The following CLK1 variants were observed in gnomAD, a reference collection of about 807,000 sequenced individuals.
The protein encoded by CLK1 is dual specificity protein kinase CLK1.
CLK1 carries 40 observed loss-of-function variants against 60.9 expected under a neutral mutation model. The ratio of observed to expected loss-of-function variants is 0.66; its 90% confidence interval spans 0.51 to 0.86. The LOEUF is 0.86. CLK1 is among the 40% of genes least tolerant of loss of function. CLK1 has a pLI of 0.00. For synonymous variants in CLK1, 203 were observed against 184.4 expected, an observed-to-expected ratio of 1.10 and a Z score of -0.82; for missense variants, 563 against 606.1, an observed-to-expected ratio of 0.93 and a Z score of 0.75.
chr2:200,854,129 T>G (rs1370427764), intron 11 of CLK1, 136 bp from the exon 12 acceptor site: 7 of 564,040 alleles, frequency 1.2e-5, no homozygotes, highest in African/African-American at 2.0e-5. Flanking sequence ...AAATGTTACC[T>G]GCTTTGCACC....
At chr2:200,853,681 A>AG (rs1489530103) in intron 12 of CLK1, among the ~76,000 whole-genome samples, 5 of 52,144 alleles carry the variant, frequency 9.6e-5, no homozygotes, top group Admixed American at 3.6e-4. Context: ...CTTTACTTGA[A>AG]AAAAAAAAAA....
At chr2:200,864,174 G>T in intron 1 of CLK1, 2 of 1,550,996 alleles carry the variant, frequency 1.3e-6, no homozygotes, top group South Asian at 1.2e-5. Flanking sequence ...CCTCAACGGG[G>T]AGCCTCGCCT....
At chr2:200,861,537 C>A in intron 2 of CLK1, 71 bp from the exon 3 acceptor site, 1 of 1,573,614 alleles carries the variant, frequency 6.4e-7, no homozygotes, top group Non-Finnish European at 8.6e-7. Flanking sequence ...TTCAAGACAG[C>A]ACCTAGACTC....
At chr2:200,856,412 C>T (rs148022122) in intron 9 of CLK1, among the ~76,000 whole-genome samples, 122 of 152,224 alleles carry the variant, frequency 8.0e-4, no homozygotes, top group African/African-American at 2.7e-3. Context: ...TGAGCCACCG[C>T]GCCCCACCTG....
chr2:200,862,494 T>C (rs2039155640), intron 1 of CLK1, among the ~76,000 whole-genome samples: 1 of 151,874 alleles, frequency 6.6e-6, no homozygotes. Flanking sequence ...ATCCGCCCCC[T>C]GCTCCCAAAA....
At chr2:200,855,987 C>T (rs1450659270) in intron 9 of CLK1, among the ~76,000 whole-genome samples, 2 of 149,592 alleles carry the variant, frequency 1.3e-5, no homozygotes, top group Admixed American at 6.7e-5. Context: ...CCAGCCTGGG[C>T]GACAGAGTAA....
rs192796579 is a variant in CLK1 at position 200,853,075 on chromosome 2, A to G, written c.*231T>C. The G allele has an allele frequency of 7.9e-4, 285 of 360,592 alleles. 1 individual carries two copies. Among genetic ancestry groups the G allele is most frequent in the Non-Finnish European group, 1.2e-3 (235 of 202,130 alleles). The allele number at this position is 360,592 out of a possible 1,614,324, so 22.3% of individuals were successfully genotyped here. The stretch of plus-strand genomic sequence containing the variant: ...CTTAGAACAAACTGTTCAGATACAT[A>G]TCAACTTCATAAGCACAAAAAATTT... On this transcript the variant is annotated 3_prime_UTR_variant, in exon 13 of 13. Coordinates refer to ENST00000321356, the MANE Select transcript of CLK1 (RefSeq NM_004071.4).
At position 200,861,302 on chromosome 2, in the gene CLK1, C is replaced by T. The variant is rs1273118319; in HGVS notation, c.326G>A (p.Gly109Glu). 1 of 1,614,160 alleles carries T rather than the reference C, an allele frequency of 6.2e-7. No individual in the cohort carries two copies. The highest frequency in any genetic ancestry group is 8.5e-7 in the Non-Finnish European group (1 of 1,180,010). ...NHSSKSSGRS[G>E]RSSYKSKHRI... ...GTGTTTGCTTTTATAACTACTTCTTCCACTTCTACCAGAAGACTTGCTACT... is the reference window on the plus strand; with the variant it reads ...GTGTTTGCTTTTATAACTACTTCTTTCACTTCTACCAGAAGACTTGCTACT... Residue 109 changes from glycine to glutamate, a missense_variant, in exon 3 of 13, where the codon GGA becomes GAA. Around this residue, in one of 3 missense-constraint regions of CLK1, gnomAD observed 198 missense variants for 179.2 expected, o/e 1.10. Coordinates refer to ENST00000321356, the MANE Select transcript of CLK1 (RefSeq NM_004071.4).
At position 200,861,412 on chromosome 2, in the gene CLK1, G is replaced by A; in HGVS notation, c.216C>T (p.Tyr72=). 6.2e-7 allele frequency: 1 copy of A among 1,614,110 alleles called. No homozygotes were observed. Among genetic ancestry groups the A allele is most frequent in the South Asian group, 1.1e-5 (1 of 91,080 alleles). The change falls in exon 3 of 13, where the codon TAC becomes TAT. Residue 72 remains tyrosine (Y), a synonymous_variant. Coordinates refer to ENST00000321356, the MANE Select transcript of CLK1 (RefSeq NM_004071.4). The part of the protein sequence containing the change: ...INEKDYHSRR[Y]IDEYRNDYTQ... Reference sequence around the variant, plus strand: ...TGTAGTCATTTCTGTACTCATCAATGTAGCGTCGACTATGATAATCTTTCT... The same window carrying A: ...TGTAGTCATTTCTGTACTCATCAATATAGCGTCGACTATGATAATCTTTCT...
chr2:200,857,574 C>T (rs2039064218), intron 7 of CLK1, 144 bp downstream of exon 7: 1 of 626,726 alleles, frequency 1.6e-6, no homozygotes, highest in African/African-American at 1.8e-5. Context: ...GCTGGATCAA[C>T]AGCCTGTAAT....
intron 3 of CLK1, 98 bp from the exon 4 acceptor site, chr2:200,860,313 T>C: frequency 6.3e-7 from 1 of 1,574,918 alleles, no homozygotes; most frequent in Non-Finnish European, 8.6e-7. Flanking sequence ...CGGGGAGATA[T>C]TCAGGCATTC....
intron 9 of CLK1, among the ~76,000 whole-genome samples, chr2:200,856,456 A>G (rs1559326531): frequency 1.3e-5 from 2 of 152,218 alleles, no homozygotes; most frequent in African/African-American, 4.8e-5. Flanking sequence ...ACCCTACCAC[A>G]TATTACAAAT....
chr2:200,861,839 G>A lies in CLK1; in HGVS notation c.24C>T (p.Tyr8=). The A allele has an allele frequency of 6.2e-7, 1 of 1,614,002 alleles. No individual in the cohort carries two copies. The highest frequency in any genetic ancestry group is 8.5e-7 in the Non-Finnish European group (1 of 1,179,990). ...AATCCTTGTCATCCCAATCAGGACA[G>A]TAAGTTCTCTTTGAGTGTCTCATCT... MRHSKRT[Y]CPDWDDKDWD... Residue 8 remains tyrosine, a synonymous_variant, in exon 2 of 13, where the codon TAC becomes TAT. Transcript: ENST00000321356.
Position 200,860,205 on chromosome 2 carries a change from C to T in CLK1, c.401G>A (p.Arg134Gln). ...SHRRSHGKSH[R>Q]RKRTRSVEDD... Reference sequence around the variant, plus strand: ...CTCTACACTCCTGGTTCTTTTCCTTCGGTGACTCTTCTGGAAACGTCAAGT... The same window carrying T: ...CTCTACACTCCTGGTTCTTTTCCTTTGGTGACTCTTCTGGAAACGTCAAGT... Residue 134 changes from arginine (R) to glutamine (Q), a missense_variant, in exon 4 of 13, where the codon CGA (arginine) becomes CAA (glutamine). Arg to Gln is a conservative substitution (Grantham distance 43, BLOSUM62 1). Coordinates refer to ENST00000321356, the MANE Select transcript of CLK1 (RefSeq NM_004071.4). The T allele has an allele frequency of 1.2e-6, 2 of 1,614,058 alleles. No individual in the cohort carries two copies. Among genetic ancestry groups the T allele is most frequent in the Non-Finnish European group, 1.7e-6 (2 of 1,179,996 alleles).
At chr2:200,853,665 A>G (rs559902050) in intron 12 of CLK1, among the ~76,000 whole-genome samples, 1 of 132,676 alleles carries the variant, frequency 7.5e-6, no homozygotes, top group African/African-American at 2.8e-5. Context: ...ACATAGTAAA[A>G]CTTGTCTTTA....
At chr2:200,859,330 G>T (rs551305442) in intron 5 of CLK1, among the ~76,000 whole-genome samples, 1 of 152,258 alleles carries the variant, frequency 6.6e-6, no homozygotes, top group South Asian at 2.1e-4. Context: ...AAGGTCTGGG[G>T]TAGGCAAACC....
intron 12 of CLK1, 63 bp from the exon 13 acceptor site, chr2:200,853,512 C>T (rs2038981501): frequency 7.1e-7 from 1 of 1,400,362 alleles, no homozygotes; most frequent in Non-Finnish European, 9.8e-7. Context: ...CACTATGTAA[C>T]AGTATAGTAA....
chr2:200,863,996 T>C (rs1306895786), intron 1 of CLK1: 15 of 1,277,212 alleles, frequency 1.2e-5, no homozygotes, highest in Non-Finnish European at 1.5e-5. Context: ...ATCTGGTTTT[T>C]GTTAACACCA....
intron 4 of CLK1, 130 bp downstream of exon 4, chr2:200,859,994 CA>C (rs1394479873): frequency 6.9e-7 from 1 of 1,442,240 alleles, no homozygotes; most frequent in Admixed American, 2.8e-5. Context: ...TCCCCCCCAC[CA>C]AAAGAAATGG....
Sources: gnomAD v4.1 joint callset for allele counts (sites outside exome capture counted in the v4.1 genomes callset) on GRCh38, gnomAD v4.1.1 for gene constraint, gnomAD v4.1.1 regional missense constraint, MANE v1.5 for transcripts, NCBI Gene and HGNC (gene_info 2026-07-23, HGNC 2026-07-21) for gene names.